The following FTO variants were observed in gnomAD, a reference collection of about 807,000 sequenced individuals.
FTO encodes the protein FTO alpha-ketoglutarate dependent dioxygenase.
Under a neutral mutation model 63.9 loss-of-function variants are expected in FTO, and 47 were observed. That is an observed-to-expected ratio of 0.74 (90% CI 0.58 to 0.94). The LOEUF (loss-of-function observed/expected upper bound fraction) is 0.94, where lower values mean the gene tolerates loss of function less well. FTO is among the 40% of genes least tolerant of loss of function. The pLI, the probability that FTO is intolerant of heterozygous loss-of-function variation, is 0.00. For missense variants in FTO, 562 were observed against 618.1 expected (o/e 0.91, Z 0.96); for synonymous variants, 207 against 224.4 (o/e 0.92, Z 0.69).
intron 3 of FTO, among the ~76,000 whole-genome samples, chr16:53,828,805 A>G (rs2079074170): frequency 6.6e-6 from 1 of 152,196 alleles, no homozygotes; most frequent in South Asian, 2.1e-4. Context: ...AGGCTTCAGA[A>G]TCTTAACACC....
chr16:53,796,388 G>A (rs543812180), intron 1 of FTO, among the ~76,000 whole-genome samples: 123 of 152,286 alleles, frequency 8.1e-4, no homozygotes, highest in African/African-American at 2.8e-3. Flanking sequence ...TGGGCATAGA[G>A]ATTGATAAAG....
At chr16:54,000,770 T>C (rs1272029136) in intron 8 of FTO, among the ~76,000 whole-genome samples, 2 of 152,222 alleles carry the variant, frequency 1.3e-5, no homozygotes, top group Non-Finnish European at 2.9e-5. Context: ...TAATCACCCA[T>C]ATATTGCATT....
chr16:54,077,826 C>A (rs1163482816), intron 8 of FTO, among the ~76,000 whole-genome samples: 1 of 152,080 alleles, frequency 6.6e-6, no homozygotes, highest in South Asian at 2.1e-4. Flanking sequence ...GATCAAGAAT[C>A]CAGATTAGTG....
At chr16:54,085,089 G>T (rs553784144) in intron 8 of FTO, among the ~76,000 whole-genome samples, 1 of 152,170 alleles carries the variant, frequency 6.6e-6, no homozygotes, top group African/African-American at 2.4e-5. Context: ...TATTGTCAAC[G>T]CTATTGATTA....
intron 7 of FTO, among the ~76,000 whole-genome samples, chr16:53,901,983 A>G (rs1372124870): frequency 1.3e-5 from 2 of 152,198 alleles, no homozygotes; most frequent in Non-Finnish European, 2.9e-5. Flanking sequence ...CTATGGGACT[A>G]CTGTTTCATT....
At chr16:54,063,795 T>A (rs551163232) in intron 8 of FTO, 3 of 151,694 alleles carry the variant, frequency 2.0e-5, no homozygotes. Context: ...TGTGTCTACA[T>A]GCAGCGTAGC....
intron 6 of FTO, among the ~76,000 whole-genome samples, chr16:53,882,545 G>A (rs1049820310): frequency 6.6e-6 from 1 of 152,176 alleles, no homozygotes; most frequent in Non-Finnish European, 1.5e-5. Flanking sequence ...GCTGTGTGGT[G>A]GGGGAATGCC....
chr16:54,016,714 C>T (rs576769475), intron 8 of FTO, among the ~76,000 whole-genome samples: 1 of 152,250 alleles, frequency 6.6e-6, no homozygotes, highest in East Asian at 1.9e-4. Flanking sequence ...GGCTGATAGC[C>T]TTTTCTCTCT....
chr16:54,078,142 C>A (rs575953402), intron 8 of FTO, among the ~76,000 whole-genome samples: 8 of 152,024 alleles, frequency 5.3e-5, no homozygotes, highest in South Asian at 2.1e-4. Flanking sequence ...ACAAAATCTT[C>A]CGTTGGTCTA....
intron 8 of FTO, among the ~76,000 whole-genome samples, chr16:54,106,044 T>C (rs1370527536): frequency 2.6e-5 from 4 of 152,196 alleles, no homozygotes; most frequent in African/African-American, 9.6e-5. Flanking sequence ...GTCTGTGAAG[T>C]GATGCAATAA....
At chr16:53,829,510 T>TA in intron 3 of FTO, among the ~76,000 whole-genome samples, 1 of 152,396 alleles carries the variant, frequency 6.6e-6, no homozygotes, top group East Asian at 1.9e-4. Context: ...GATATCTGTT[T>TA]AGTTTTCTGG....
intron 6 of FTO, among the ~76,000 whole-genome samples, chr16:53,880,448 G>C (rs2080791690): frequency 6.6e-6 from 1 of 152,198 alleles, no homozygotes; most frequent in Non-Finnish European, 1.5e-5. Flanking sequence ...AGTCACCAGA[G>C]TCTCCGTATT....
intron 2 of FTO, among the ~76,000 whole-genome samples, chr16:53,819,243 C>T (rs1194695426): frequency 1.3e-5 from 2 of 152,186 alleles, no homozygotes; most frequent in Admixed American, 6.5e-5. Context: ...GGCTTAGGCT[C>T]ACTTCAGCTT....
chr16:53,806,257 T>C (rs1198196339), intron 1 of FTO, among the ~76,000 whole-genome samples: 1 of 152,240 alleles, frequency 6.6e-6, no homozygotes, highest in Non-Finnish European at 1.5e-5. Flanking sequence ...TCTTCATCTT[T>C]ATACTGAATT....
chr16:53,949,283 G>C (rs1358735843), intron 8 of FTO, among the ~76,000 whole-genome samples: 1 of 152,176 alleles, frequency 6.6e-6, no homozygotes, highest in Non-Finnish European at 1.5e-5. Context: ...ATGTCATGTG[G>C]CCAGAATCAT....
intron 7 of FTO, among the ~76,000 whole-genome samples, chr16:53,921,837 T>G (rs1233409703): frequency 6.6e-6 from 1 of 152,102 alleles, no homozygotes; most frequent in Non-Finnish European, 1.5e-5. Flanking sequence ...AAAGATATAT[T>G]TATGTATATT....
chr16:53,783,604 TAAAAAAAAAA>T (rs753810468), intron 1 of FTO, among the ~76,000 whole-genome samples: 5 of 68,134 alleles, frequency 7.3e-5, no homozygotes, highest in South Asian at 6.4e-4. Context: ...CAAGACTCCA[TAAAAAAAAAA>T]AAAAAAAAAA....
rs185869679 is a variant in FTO at position 53,845,775 on chromosome 16, A to G, written c.895+1477A>G. Among the ~76,000 whole-genome samples the G allele has an allele frequency of 4.6e-5, 7 of 152,344 alleles. No individual in the cohort carries two copies. The East Asian group carries it at 1.4e-3, about 29-fold the overall frequency. On this transcript the variant is annotated intron_variant, in intron 4 of 8. Transcript: ENST00000471389. ...TTAGTAACAGAGAGGTGTTAACTGTATAGTGGTACCAGTCTGAGACTTTCT... is the reference window on the plus strand; with the variant it reads ...TTAGTAACAGAGAGGTGTTAACTGTGTAGTGGTACCAGTCTGAGACTTTCT...
At position 53,716,289 on chromosome 16, in the gene FTO, A is replaced by G. The variant is rs150929814; in HGVS notation, c.45+12060A>G. 3.9e-3 allele frequency among the ~76,000 whole-genome samples: 592 copies of G among 152,330 alleles called. 6 individuals are homozygous for G. The highest frequency in any genetic ancestry group is 0.014 in the African/African-American group (574 of 41,580). On this transcript the variant is annotated intron_variant, in intron 1 of 8. Transcript: ENST00000471389. ...TCAATGATCACATCTTTGGATATGT[A>G]TAGAGTTTCCCAAGGAGGCTACTTG...
Sources: gnomAD v4.1 joint callset for allele counts (sites outside exome capture counted in the v4.1 genomes callset) on GRCh38, gnomAD v4.1.1 for gene constraint, MANE v1.5 for transcripts, NCBI Gene and HGNC (gene_info 2026-07-23, HGNC 2026-07-21) for gene names.